The following DCC variants were observed in gnomAD, a reference collection of about 807,000 sequenced individuals.
DCC encodes the protein netrin receptor DCC.
A neutral mutation model predicts 172.5 loss-of-function variants in DCC; 58 were observed. The observed-to-expected ratio is 0.34, with a 90% CI of 0.27 to 0.42. The LOEUF is 0.42. DCC is among the 10% of genes least tolerant of loss of function. The pLI, the probability that DCC is intolerant of heterozygous loss-of-function variation, is 1.00. For missense variants in DCC, 1,740 were observed against 1,791.0 expected, an observed-to-expected ratio of 0.97 and a Z score of 0.51; for synonymous variants, 709 against 644.5, an observed-to-expected ratio of 1.10 and a Z score of -1.52.
At position 52,646,163 on chromosome 18, in the gene DCC, C is replaced by T. The variant is rs757198784; in HGVS notation, c.92-105891C>T. On this transcript the variant is annotated intron_variant, in intron 1 of 28. Transcript: ENST00000442544. ...TGAGTCTCAGTTTCCTGACTGGGCA[C>T]GGAGTAACCCTGCATGCATTGTTTT... Among the ~76,000 whole-genome samples, 10 of 152,132 alleles carry T rather than the reference C, an allele frequency of 6.6e-5. No homozygotes were observed. The East Asian group carries it at 9.6e-4, about 15-fold the overall frequency.
At chr18:53,504,930 G>GT (rs1045369830) in intron 27 of DCC, among the ~76,000 whole-genome samples, 5 of 152,038 alleles carry the variant, frequency 3.3e-5, no homozygotes, top group Admixed American at 1.3e-4. Flanking sequence ...TTGTTTGTTT[G>GT]TTTTTTTAAC....
intron 2 of DCC, among the ~76,000 whole-genome samples, chr18:52,771,604 G>T (rs1009611595): frequency 6.6e-6 from 1 of 152,212 alleles, no homozygotes; most frequent in Admixed American, 6.5e-5. Context: ...ATTGTTATCA[G>T]AGAGGTCTCT....
In DCC at chr18:53,305,733, T is replaced by A; in HGVS notation, c.2053+14T>A. The A allele has an allele frequency of 6.2e-7, 1 of 1,613,040 alleles. No homozygotes were observed. Among genetic ancestry groups the A allele is most frequent in the Non-Finnish European group, 8.5e-7 (1 of 1,179,016 alleles). On this transcript the variant is annotated intron_variant, in intron 13 of 28. Transcript: ENST00000442544. ...ACCTATTCACAGGTCAGTGTTCACA[T>A]GGTGTAGTCTTGCAAGGTTTTGATG...
At chr18:53,527,206 CT>C (rs1212450703) in intron 28 of DCC, among the ~76,000 whole-genome samples, 2,727 of 133,714 alleles carry the variant, frequency 0.02, 87 homozygotes, top group African/African-American at 0.066. Context: ...CTTCTTCTTC[CT>C]TTTTTTTTTT....
At chr18:53,200,645 G>A (rs2055522718) in intron 9 of DCC, among the ~76,000 whole-genome samples, 1 of 152,154 alleles carries the variant, frequency 6.6e-6, no homozygotes, top group Non-Finnish European at 1.5e-5. Context: ...ACTGCTTTGA[G>A]CTGCAGATAT....
At chr18:52,374,549 T>C (rs1568138616) in intron 1 of DCC, among the ~76,000 whole-genome samples, 1 of 152,082 alleles carries the variant, frequency 6.6e-6, no homozygotes, top group East Asian at 1.9e-4. Flanking sequence ...GAATTATTGA[T>C]GAGAGGGGCA....
chr18:53,458,537 T>TATC (rs1216165413), intron 23 of DCC, among the ~76,000 whole-genome samples: 1 of 152,220 alleles, frequency 6.6e-6, no homozygotes, highest in Admixed American at 6.5e-5. Flanking sequence ...AAGAAGAGAT[T>TATC]ATCACCCCAA....
chr18:53,393,917 C>G (rs1407123359), intron 17 of DCC, among the ~76,000 whole-genome samples: 1 of 151,888 alleles, frequency 6.6e-6, no homozygotes, highest in Admixed American at 6.6e-5. Context: ...CTCTCTCCCT[C>G]TCTCCCTCCC....
At chr18:52,686,749 T>G (rs1241030991) in intron 1 of DCC, among the ~76,000 whole-genome samples, 1 of 152,046 alleles carries the variant, frequency 6.6e-6, no homozygotes, top group Non-Finnish European at 1.5e-5. Context: ...TTACATGGGG[T>G]GGATTTAAGA....
intron 1 of DCC, among the ~76,000 whole-genome samples, chr18:52,451,678 G>A (rs1988309579): frequency 6.6e-6 from 1 of 151,936 alleles, no homozygotes; most frequent in African/African-American, 2.4e-5. Context: ...GTGTGGGCGT[G>A]TGTGTGTATG....
intron 2 of DCC, among the ~76,000 whole-genome samples, chr18:52,845,465 G>A (rs1356451127): frequency 6.6e-6 from 1 of 152,168 alleles, no homozygotes; most frequent in African/African-American, 2.4e-5. Flanking sequence ...CCCCTGAGAG[G>A]ATAATAATGA....
chr18:52,520,087 T>C (rs2144664309), intron 1 of DCC, among the ~76,000 whole-genome samples: 1 of 152,316 alleles, frequency 6.6e-6, no homozygotes, highest in South Asian at 2.1e-4. Context: ...ACCCAAAGCC[T>C]ACTGAAGCAC....
rs192975049 is a variant in DCC at position 52,950,286 on chromosome 18, C to T, written c.985+24916C>T. Among the ~76,000 whole-genome samples, 14 of 152,298 alleles carry T rather than the reference C, an allele frequency of 9.2e-5. No individual in the cohort carries two copies. The East Asian group carries it at 1.4e-3, about 15-fold the overall frequency. On this transcript the variant is annotated intron_variant, in intron 5 of 28. Coordinates refer to ENST00000442544, the MANE Select transcript of DCC (RefSeq NM_005215.4). ...AAACAAACTCTAATTTCTGGACTTA[C>T]TCTCTCTGTGTCTATACAAACCTGT...
At chr18:52,668,520 T>C (rs1247975367) in intron 1 of DCC, among the ~76,000 whole-genome samples, 1 of 152,186 alleles carries the variant, frequency 6.6e-6, no homozygotes, top group African/African-American at 2.4e-5. Context: ...GATGTGCTAG[T>C]CTATGCTATG....
rs1232363771 is a variant in DCC at position 53,086,276 on chromosome 18, T to TTTC, written c.1261+20129_1261+20131dup. ...TTCTTCTTCTTCTTCTTCTTCTTCC[T>TTTC]TTCTTCTTCTTCTTCTTCTTCCTTT... On this transcript the variant is annotated intron_variant, in intron 7 of 28. Transcript: ENST00000442544. Among the ~76,000 whole-genome samples the TTTC allele has an allele frequency of 4.8e-3, 200 of 41,610 alleles. 45 individuals carry two copies. Among genetic ancestry groups the TTTC allele is most frequent in the East Asian group, 0.042 (83 of 1,998 alleles). The allele number at this position is 41,610 out of a possible 152,430, so 27.3% of individuals were successfully genotyped here.
At chr18:53,046,476 CT>C (rs1194618881) in intron 5 of DCC, among the ~76,000 whole-genome samples, 1 of 85,502 alleles carries the variant, frequency 1.2e-5, no homozygotes, top group Non-Finnish European at 2.4e-5. Flanking sequence ...AATTTTAAAA[CT>C]GGAAAAAAAA....
chr18:52,783,361 T>TTTTA (rs2037591293), intron 2 of DCC, among the ~76,000 whole-genome samples: 3 of 107,902 alleles, frequency 2.8e-5, no homozygotes, highest in African/African-American at 1.1e-4. Context: ...TTTTTTTTTT[T>TTTTA]ACAACACAAA....
chr18:53,078,016 G>C (rs1305764412), intron 7 of DCC, among the ~76,000 whole-genome samples: 2 of 152,114 alleles, frequency 1.3e-5, no homozygotes, highest in Non-Finnish European at 2.9e-5. Context: ...GAAATCCATA[G>C]TTTAACAAAG....
In DCC at chr18:53,066,154, G is replaced by A; in HGVS notation, c.1249G>A (p.Val417Ile). ...TGCCCAGACCAGTGCACAGCTCATTGTCCCTAAGCCTGGTAAGACAATGGG... is the reference window on the plus strand; with the variant it reads ...TGCCCAGACCAGTGCACAGCTCATTATCCCTAAGCCTGGTAAGACAATGGG... The part of the protein sequence containing the change: ...GNAQTSAQLI[V>I]PKPAIPSSSV... Residue 417 changes from valine to isoleucine, a missense_variant, in exon 7 of 29, where the codon GTC becomes ATC. Transcript: ENST00000442544. The A allele has an allele frequency of 6.2e-7, 1 of 1,613,140 alleles. No individual in the cohort carries two copies.
Sources: allele counts gnomAD v4.1 joint callset (sites outside exome capture counted in the v4.1 genomes callset), GRCh38; gene constraint gnomAD v4.1.1; transcripts MANE v1.5; gene names NCBI Gene and HGNC (gene_info 2026-07-23, HGNC 2026-07-21).